Variants in ZNF804A observed in about 807,000 individuals in gnomAD.
ZNF804A encodes the protein zinc finger protein 804A.
ZNF804A carries 2 observed loss-of-function variants against 16.5 expected under a neutral mutation model. That is an observed-to-expected ratio of 0.12 (90% CI 0.05 to 0.38). The LOEUF (loss-of-function observed/expected upper bound fraction) is 0.38. Ranked by LOEUF, ZNF804A falls within the 10% of genes least tolerant of loss-of-function variation. The probability of loss-of-function intolerance (pLI) is 0.99; values close to 1 mark genes in which losing one functional copy is unlikely to be tolerated. For synonymous variants in ZNF804A, 534 were observed against 489.6 expected, an observed-to-expected ratio of 1.09 and a Z score of -1.20; for missense variants, 1,473 against 1,390.7, an observed-to-expected ratio of 1.06 and a Z score of -0.94.
chr2:184,874,449 C>G (rs1696021701), intron 2 of ZNF804A, among the ~76,000 whole-genome samples: 4 of 152,126 alleles, frequency 2.6e-5, no homozygotes, highest in Admixed American at 2.6e-4. Flanking sequence ...AAATTTTCTG[C>G]AACTGCCCTA....
chr2:184,638,491 T>C (rs1691740239), intron 1 of ZNF804A, among the ~76,000 whole-genome samples: 1 of 152,206 alleles, frequency 6.6e-6, no homozygotes, highest in African/African-American at 2.4e-5. Context: ...GGGTATGTTT[T>C]TATTCATTTT....
rs61739288 is a variant in ZNF804A, at chr2:184,937,029, G to A, written c.1633G>A (p.Gly545Ser). ...SCDSGKNENT[G>S]QRYKNISCKI... Reference sequence around the variant, plus strand: ...TGATTCTGGAAAAAATGAGAACACAGGTCAGAGGTATAAAAACATTTCCTG... The same window carrying A: ...TGATTCTGGAAAAAATGAGAACACAAGTCAGAGGTATAAAAACATTTCCTG... Residue 545 changes from glycine (G) to serine (S), a missense_variant, in exon 4 of 4, where the codon GGT (glycine) becomes AGT (serine). Coordinates refer to ENST00000302277, the MANE Select transcript of ZNF804A (RefSeq NM_194250.2). The A allele has an allele frequency of 0.066, 105,515 of 1,610,546 alleles. 3,802 individuals are homozygous for A. The highest frequency in any genetic ancestry group is 0.082 in the Middle Eastern group (492 of 6,030).
At chr2:184,824,554 C>G (rs1462539157) in intron 1 of ZNF804A, among the ~76,000 whole-genome samples, 1 of 151,252 alleles carries the variant, frequency 6.6e-6, no homozygotes, top group African/African-American at 2.4e-5. Flanking sequence ...TTTATATTTT[C>G]TCATCCTTCT....
chr2:184,811,978 T>A (rs1301644448), intron 1 of ZNF804A, among the ~76,000 whole-genome samples: 1 of 152,168 alleles, frequency 6.6e-6, no homozygotes, highest in Non-Finnish European at 1.5e-5. Flanking sequence ...CATTCAAACA[T>A]GGACAAAGTT....
intron 1 of ZNF804A, among the ~76,000 whole-genome samples, chr2:184,846,470 A>G (rs1695518792): frequency 6.6e-6 from 1 of 152,126 alleles, no homozygotes; most frequent in East Asian, 1.9e-4. Flanking sequence ...TGCAGAATCT[A>G]CTTATATAAA....
At chr2:184,720,580 T>A (rs891596522) in intron 1 of ZNF804A, among the ~76,000 whole-genome samples, 1 of 152,092 alleles carries the variant, frequency 6.6e-6, no homozygotes, top group African/African-American at 2.4e-5. Flanking sequence ...AGGAGTAAAC[T>A]ATATATTTCT....
chr2:184,682,164 G>A (rs1244812934), intron 1 of ZNF804A, among the ~76,000 whole-genome samples: 5 of 152,144 alleles, frequency 3.3e-5, no homozygotes, highest in African/African-American at 2.4e-5. Flanking sequence ...GTTGATGGCA[G>A]GAGGCAGACA....
chr2:184,852,552 T>C (rs1553483894), intron 1 of ZNF804A, among the ~76,000 whole-genome samples: 1 of 150,880 alleles, frequency 6.6e-6, no homozygotes. Flanking sequence ...TCCCACCGGC[T>C]TTTTTTGTTT....
chr2:184,705,568 A>G (rs2105733720), intron 1 of ZNF804A, among the ~76,000 whole-genome samples: 1 of 152,266 alleles, frequency 6.6e-6, no homozygotes, highest in Admixed American at 6.5e-5. Flanking sequence ...GTAGTAACCC[A>G]AGGGGTTAGG....
intron 1 of ZNF804A, among the ~76,000 whole-genome samples, chr2:184,601,626 G>A (rs1427859039): frequency 6.6e-6 from 1 of 151,770 alleles, no homozygotes; most frequent in Non-Finnish European, 1.5e-5. Flanking sequence ...TAATAATTAT[G>A]ATATCTTTCC....
chr2:184,654,627 T>C (rs1327606256), intron 1 of ZNF804A, among the ~76,000 whole-genome samples: 1 of 152,304 alleles, frequency 6.6e-6, no homozygotes, highest in Admixed American at 6.5e-5. Context: ...TGCTGCTAAG[T>C]GTTCAGTTGT....
At chr2:184,933,784 G>GTA in intron 3 of ZNF804A, 51 bp downstream of exon 3, 2 of 1,548,112 alleles carry the variant, frequency 1.3e-6, no homozygotes, top group Non-Finnish European at 1.7e-6. Flanking sequence ...CCAAAAAAGG[G>GTA]GTATAGGGGG....
chr2:184,735,623 T>G (rs974510147), intron 1 of ZNF804A, among the ~76,000 whole-genome samples: 3 of 152,174 alleles, frequency 2.0e-5, no homozygotes, highest in Non-Finnish European at 4.4e-5. Flanking sequence ...GACTTACATA[T>G]TATTACACTA....
At position 184,600,749 on chromosome 2, in the gene ZNF804A, C is replaced by G. The variant is rs191201047; in HGVS notation, c.111+1679C>G. The stretch of plus-strand genomic sequence containing the variant: ...CTCAACTTGTTAAAATTCTATAGGT[C>G]TTGATTCTCAAGTTAATCTTAGGTT... On this transcript the variant is annotated intron_variant, in intron 1 of 3. Coordinates refer to ENST00000302277, the MANE Select transcript of ZNF804A (RefSeq NM_194250.2). Among the ~76,000 whole-genome samples the G allele has an allele frequency of 1.4e-4, 22 of 152,148 alleles. No individual in the cohort carries two copies. In the East Asian group the frequency reaches 4.1e-3, roughly 28 times the overall value.
At chr2:184,901,885 A>T (rs1360140543) in intron 2 of ZNF804A, among the ~76,000 whole-genome samples, 1 of 151,944 alleles carries the variant, frequency 6.6e-6, no homozygotes, top group East Asian at 1.9e-4. Context: ...ATTTATATAT[A>T]TGAGTATATA....
At chr2:184,701,699 T>A (rs1692922180) in intron 1 of ZNF804A, among the ~76,000 whole-genome samples, 1 of 151,912 alleles carries the variant, frequency 6.6e-6, no homozygotes, top group African/African-American at 2.4e-5. Context: ...GTTGATATCA[T>A]AAAAATATGA....
At chr2:184,838,718 T>C (rs1369893059) in intron 1 of ZNF804A, among the ~76,000 whole-genome samples, 1 of 152,026 alleles carries the variant, frequency 6.6e-6, no homozygotes, top group East Asian at 1.9e-4. Flanking sequence ...AGTATAGCCA[T>C]AACAGAAGCT....
At chr2:184,917,135 T>C (rs1263699444) in intron 2 of ZNF804A, among the ~76,000 whole-genome samples, 2 of 152,160 alleles carry the variant, frequency 1.3e-5, no homozygotes, top group Non-Finnish European at 2.9e-5. Flanking sequence ...ACTAGTCAAG[T>C]TGACACATGC....
At chr2:184,786,873 G>A (rs540740009) in intron 1 of ZNF804A, among the ~76,000 whole-genome samples, 2 of 151,976 alleles carry the variant, frequency 1.3e-5, no homozygotes, top group South Asian at 4.2e-4. Context: ...AAATTGTAAT[G>A]ATGGTAGAGA....
Sources: allele counts gnomAD v4.1 joint callset (sites outside exome capture counted in the v4.1 genomes callset), GRCh38; gene constraint gnomAD v4.1.1; transcripts MANE v1.5; gene names NCBI Gene and HGNC (gene_info 2026-07-23, HGNC 2026-07-21).